RNF111: variants seen among roughly 807,000 people sequenced by gnomAD.
RNF111 encodes the protein E3 ubiquitin-protein ligase Arkadia.
A neutral mutation model predicts 95.1 loss-of-function variants in RNF111; 17 were observed. The ratio of observed to expected loss-of-function variants is 0.18; its 90% CI spans 0.12 to 0.27. The LOEUF is 0.27. Ranked by LOEUF, RNF111 falls within the 10% of genes least tolerant of loss-of-function variation. RNF111 has a pLI of 1.00. For synonymous variants in RNF111, 440 were observed against 414.8 expected, an observed-to-expected ratio of 1.06 and a Z score of -0.74; for missense variants, 1,189 against 1,210.4, an observed-to-expected ratio of 0.98 and a Z score of 0.26.
At chr15:59,015,788 G>T (rs546618662) in intron 1 of RNF111, among the ~76,000 whole-genome samples, 1 of 152,144 alleles carries the variant, frequency 6.6e-6, no homozygotes, top group South Asian at 2.1e-4. Context: ...GCCATTATCA[G>T]AGTCCTTAAT....
intron 1 of RNF111, among the ~76,000 whole-genome samples, chr15:59,027,555 G>A (rs992250674): frequency 3.3e-5 from 5 of 151,140 alleles, no homozygotes; most frequent in Admixed American, 1.3e-4. Context: ...GGGAGACAGA[G>A]TCTTGCTCTG....
At chr15:59,080,846 A>G (rs2078720768) in intron 7 of RNF111, 90 bp from the exon 8 acceptor site, 3 of 1,010,120 alleles carry the variant, frequency 3.0e-6, no homozygotes, top group South Asian at 3.3e-5. Context: ...AAATACTAAT[A>G]TGTTTAAAAG....
At chr15:59,072,862 G>A (rs1166086304) in intron 6 of RNF111, among the ~76,000 whole-genome samples, 1 of 148,226 alleles carries the variant, frequency 6.7e-6, no homozygotes, top group Non-Finnish European at 1.5e-5. Context: ...TGTGTCTGGG[G>A]CCCTGCAATT....
chr15:59,066,634 C>A, intron 5 of RNF111, 130 bp from the exon 6 acceptor site: 1 of 773,188 alleles, frequency 1.3e-6, no homozygotes, highest in Non-Finnish European at 2.0e-6. Flanking sequence ...GTGGCACTAT[C>A]ACATTATTTA....
rs755061798 is a variant in RNF111, at chr15:59,065,919, G to A, written c.1367-845G>A. 4.6e-5 allele frequency among the ~76,000 whole-genome samples: 7 copies of A among 152,224 alleles called. 1 individual carries two copies. In the Middle Eastern group the frequency reaches 0.02, roughly 444 times the overall value. On this transcript the variant is annotated intron_variant, in intron 5 of 13. Coordinates refer to ENST00000348370, the MANE Select transcript of RNF111 (RefSeq NM_017610.8). ...CCAGCTACTTAGGAGGCTGAGGCAG[G>A]AGAATCTGTTGAGCAAATATATACA...
chr15:59,073,734 C>T (rs1001392202), intron 6 of RNF111, among the ~76,000 whole-genome samples: 4 of 152,146 alleles, frequency 2.6e-5, no homozygotes, highest in Non-Finnish European at 2.9e-5. Flanking sequence ...CTTCCATGAA[C>T]CACAAATGTT....
chr15:59,058,229 G>A (rs1318151832), intron 4 of RNF111, 127 bp from the exon 5 acceptor site: 5 of 727,278 alleles, frequency 6.9e-6, no homozygotes, highest in South Asian at 4.3e-5. Context: ...TTTACCAAAT[G>A]TTATTAGAGA....
rs528078092 is a variant in RNF111 at position 59,022,048 on chromosome 15, C to T, written c.-19-8756C>T. Among the ~76,000 whole-genome samples, 19 of 151,942 alleles carry T rather than the reference C, an allele frequency of 1.3e-4. No individual in the cohort carries two copies. The South Asian group carries it at 3.5e-3, about 28-fold the overall frequency. On this transcript the variant is annotated intron_variant, in intron 1 of 13. Coordinates refer to ENST00000348370, the MANE Select transcript of RNF111 (RefSeq NM_017610.8). Reference sequence around the variant, plus strand: ...CTAATTTTTGTATTTTTAGTTGAGACGGGGTATCACCATGTTGGCCAGGCT... The same window carrying T: ...CTAATTTTTGTATTTTTAGTTGAGATGGGGTATCACCATGTTGGCCAGGCT...
intron 2 of RNF111, among the ~76,000 whole-genome samples, chr15:59,042,089 A>T (rs1267667673): frequency 6.6e-6 from 1 of 151,804 alleles, no homozygotes; most frequent in Non-Finnish European, 1.5e-5. Context: ...TCACAAATTA[A>T]TTAGTAGTTT....
At chr15:58,996,764 A>G (rs1436196054) in intron 1 of RNF111, among the ~76,000 whole-genome samples, 9 of 148,668 alleles carry the variant, frequency 6.1e-5, no homozygotes, top group East Asian at 3.9e-4. Flanking sequence ...TACTTATTCA[A>G]TCTAACTTAA....
intron 5 of RNF111, 128 bp from the exon 6 acceptor site, chr15:59,066,636 C>G: frequency 1.3e-6 from 1 of 784,586 alleles, no homozygotes; most frequent in East Asian, 2.7e-5. Flanking sequence ...GGCACTATCA[C>G]ATTATTTACA....
intron 1 of RNF111, among the ~76,000 whole-genome samples, chr15:58,988,752 T>G (rs1271264440): frequency 1.3e-5 from 2 of 152,222 alleles, no homozygotes; most frequent in Non-Finnish European, 2.9e-5. Context: ...TACCAGAAAG[T>G]ATGAGGTATT....
intron 1 of RNF111, among the ~76,000 whole-genome samples, chr15:59,005,749 G>A (rs765520218): frequency 5.9e-5 from 9 of 152,164 alleles, no homozygotes; most frequent in Admixed American, 1.3e-4. Context: ...GCTTGTGGAC[G>A]TCTTTGCCTG....
intron 12 of RNF111, among the ~76,000 whole-genome samples, chr15:59,091,584 C>G (rs1460181018): frequency 6.6e-6 from 1 of 152,102 alleles, no homozygotes; most frequent in Non-Finnish European, 1.5e-5. Flanking sequence ...ATTTTTTTAA[C>G]TAGCAATTTA....
chr15:59,078,265 A>G (rs999402459), intron 7 of RNF111, among the ~76,000 whole-genome samples: 1 of 152,222 alleles, frequency 6.6e-6, no homozygotes, highest in Non-Finnish European at 1.5e-5. Context: ...CTTGTGGAGT[A>G]AGAATATGTC....
chr15:59,060,419 C>T (rs1276643017), intron 5 of RNF111, among the ~76,000 whole-genome samples: 1 of 151,826 alleles, frequency 6.6e-6, no homozygotes, highest in Non-Finnish European at 1.5e-5. Flanking sequence ...GCCTAGGCAA[C>T]GTGGTGAAAC....
rs144161266 is a variant in RNF111, at chr15:59,088,452, C to T, written c.2551-1215C>T. Among the ~76,000 whole-genome samples, 554 of 152,242 alleles carry T rather than the reference C, an allele frequency of 3.6e-3. 9 individuals carry two copies. The highest frequency in any genetic ancestry group is 0.013 in the African/African-American group (521 of 41,518). On this transcript the variant is annotated intron_variant, in intron 10 of 13. Coordinates refer to ENST00000348370, the MANE Select transcript of RNF111 (RefSeq NM_017610.8). ...AGTTGTAAACAATTTAAGTAATAGG[C>T]TATTGAAGGTTAAAAGTTATTGCTT... is the stretch of plus-strand genomic sequence containing the variant.
At chr15:59,017,134 A>C (rs987520318) in intron 1 of RNF111, among the ~76,000 whole-genome samples, 2 of 151,996 alleles carry the variant, frequency 1.3e-5, no homozygotes, top group African/African-American at 4.8e-5. Flanking sequence ...GATCATCTCA[A>C]ACCACACCCA....
chr15:59,010,318 GAA>G (rs1470333358), intron 1 of RNF111, among the ~76,000 whole-genome samples: 42 of 152,236 alleles, frequency 2.8e-4, no homozygotes, highest in African/African-American at 9.1e-4. Context: ...AAAACATTGA[GAA>G]GAGCAAATTT....
Sources: gnomAD v4.1 joint callset for allele counts (sites outside exome capture counted in the v4.1 genomes callset) on GRCh38, gnomAD v4.1.1 for gene constraint, MANE v1.5 for transcripts, NCBI Gene and HGNC (gene_info 2026-07-23, HGNC 2026-07-21) for gene names.